The following WASF3 variants were observed in gnomAD, a reference collection of about 807,000 sequenced individuals.
WASF3 encodes the protein WASP family member 3.
A neutral mutation model predicts 46.6 loss-of-function variants in WASF3; 11 were observed. The observed-to-expected ratio is 0.24, with a 90% CI of 0.15 to 0.39. WASF3 has a LOEUF of 0.39. Among genes scored for constraint, WASF3 ranks in the 10% least tolerant of loss-of-function variants. WASF3 has a pLI of 1.00. For missense variants in WASF3, 576 were observed against 669.8 expected, an observed-to-expected ratio of 0.86 and a Z score of 1.55; for synonymous variants, 242 against 259.7, an observed-to-expected ratio of 0.93 and a Z score of 0.65.
chr13:26,640,314 T>C (rs1881957374), intron 2 of WASF3: 1 of 152,184 alleles, frequency 6.6e-6, no homozygotes, highest in Non-Finnish European at 1.5e-5. Flanking sequence ...TAGTATTGTA[T>C]GAAGATGAGG....
At position 26,671,578 on chromosome 13, in the gene WASF3, A is replaced by T. The variant is rs1448972789; in HGVS notation, c.423-294A>T. On this transcript the variant is annotated intron_variant, in intron 5 of 9. Transcript: ENST00000335327. ...TCCTGAAGTGATTGAGATATTATAAATTGCTGAATATGAGTCATGTTGTGA... is the reference window on the plus strand; with the variant it reads ...TCCTGAAGTGATTGAGATATTATAATTTGCTGAATATGAGTCATGTTGTGA... Among the ~76,000 whole-genome samples, 3 of 152,162 alleles carry T rather than the reference A, an allele frequency of 2.0e-5. No homozygotes were observed. The East Asian group carries it at 5.8e-4, about 29-fold the overall frequency.
At chr13:26,574,701 TG>T (rs1193525623) in intron 1 of WASF3, among the ~76,000 whole-genome samples, 1 of 152,192 alleles carries the variant, frequency 6.6e-6, no homozygotes, top group African/African-American at 2.4e-5. Context: ...GTCTGTATTT[TG>T]GTATATTTAC....
At chr13:26,585,628 G>T (rs1170926384) in intron 1 of WASF3, among the ~76,000 whole-genome samples, 7 of 152,154 alleles carry the variant, frequency 4.6e-5, no homozygotes, top group Non-Finnish European at 7.4e-5. Flanking sequence ...CTTTCATATA[G>T]TAGGGGCTCA....
At chr13:26,645,511 A>T (rs1314601227) in intron 3 of WASF3, among the ~76,000 whole-genome samples, 2 of 152,004 alleles carry the variant, frequency 1.3e-5, no homozygotes, top group Non-Finnish European at 2.9e-5. Context: ...TTATTCATTC[A>T]TTCTTCTTTG....
chr13:26,670,833 A>G (rs2137480578), intron 5 of WASF3, among the ~76,000 whole-genome samples: 1 of 152,234 alleles, frequency 6.6e-6, no homozygotes, highest in East Asian at 1.9e-4. Flanking sequence ...TTTCAGACAT[A>G]GCGACTAGAA....
Position 26,616,541 on chromosome 13 carries a change from A to T in WASF3, c.-11+3483A>T, listed in dbSNP as rs73168009. ...ATGATTTGTAGTTTTATTCATTTTA[A>T]TAGCATTTTTTTTCCTTTTTACCCC... On this transcript the variant is annotated intron_variant, in intron 2 of 9. Coordinates refer to ENST00000335327, the MANE Select transcript of WASF3 (RefSeq NM_006646.6). Among the ~76,000 whole-genome samples the T allele has an allele frequency of 8.9e-3, 1,357 of 152,218 alleles. 10 individuals are homozygous for T. Among genetic ancestry groups the T allele is most frequent in the Middle Eastern group, 0.017 (5 of 294 alleles).
At position 26,576,434 on chromosome 13, in the gene WASF3, G is replaced by A. The variant is rs879825203; in HGVS notation, c.-109+18615G>A. On this transcript the variant is annotated intron_variant, in intron 1 of 9. Transcript: ENST00000335327. ...GTTGCATCATACAGTAGTGGTTTACGTGGGGAATTTCAGAAGTACTGAGGC... is the reference window on the plus strand; with the variant it reads ...GTTGCATCATACAGTAGTGGTTTACATGGGGAATTTCAGAAGTACTGAGGC... Among the ~76,000 whole-genome samples, 9 of 152,048 alleles carry A rather than the reference G, an allele frequency of 5.9e-5. No individual in the cohort carries two copies. The South Asian group carries it at 6.2e-4, about 11-fold the overall frequency.
rs115897607 is a variant in WASF3, at chr13:26,567,417, G to C, written c.-109+9598G>C. Among the ~76,000 whole-genome samples the C allele has an allele frequency of 9.5e-3, 1,442 of 152,300 alleles. 26 individuals carry two copies. Among genetic ancestry groups the C allele is most frequent in the African/African-American group, 0.032 (1,349 of 41,566 alleles). On this transcript the variant is annotated intron_variant, in intron 1 of 9. Transcript: ENST00000335327. ...CTAGATCAGGGGTTGGTAAACTACA[G>C]CCTGTGGGCCACATCTGGCTCTTTG...
intron 2 of WASF3, chr13:26,639,737 G>GAA (rs1881937352): frequency 6.6e-6 from 1 of 152,340 alleles, no homozygotes. Flanking sequence ...AATTGCCATA[G>GAA]AAAAGATAGC....
intron 3 of WASF3, among the ~76,000 whole-genome samples, chr13:26,658,427 C>T (rs9512310): frequency 0.17 from 26,066 of 152,060 alleles, 2,571 homozygotes; most frequent in South Asian, 0.26. Context: ...AACAGTAGTT[C>T]TGAAAGATGT....
chr13:26,589,527 G>A (rs562729286), intron 1 of WASF3, among the ~76,000 whole-genome samples: 12 of 152,196 alleles, frequency 7.9e-5, no homozygotes, highest in East Asian at 7.7e-4. Context: ...ATGTGGCATC[G>A]TCAATAGATG....
intron 2 of WASF3, among the ~76,000 whole-genome samples, chr13:26,622,285 G>T (rs1169854337): frequency 2.0e-5 from 3 of 152,146 alleles, no homozygotes; most frequent in Non-Finnish European, 4.4e-5. Context: ...CTGCATAGTG[G>T]AGAAAGAAAT....
intron 2 of WASF3, among the ~76,000 whole-genome samples, chr13:26,613,285 TC>T (rs1214516351): frequency 6.6e-6 from 1 of 151,940 alleles, no homozygotes; most frequent in Non-Finnish European, 1.5e-5. Context: ...CTTGATATAT[TC>T]ACTTCCATGT....
In WASF3 at chr13:26,587,674, G is replaced by C. The variant is rs549810026; in HGVS notation, c.-108-25287G>C. ...TAGATTGAGAGCTGCTGGACAGAATGATGGGTTCATGGGAGAAGACAATCA... is the reference window on the plus strand; with the variant it reads ...TAGATTGAGAGCTGCTGGACAGAATCATGGGTTCATGGGAGAAGACAATCA... On this transcript the variant is annotated intron_variant, in intron 1 of 9. Coordinates refer to ENST00000335327, the MANE Select transcript of WASF3 (RefSeq NM_006646.6). 2.0e-4 allele frequency among the ~76,000 whole-genome samples: 30 copies of C among 152,290 alleles called. No individual in the cohort carries two copies. The East Asian group carries it at 5.2e-3, about 26-fold the overall frequency.
Position 26,676,776 on chromosome 13 carries a change from T to TA in WASF3, c.716+53dup, listed in dbSNP as rs1370746727. On this transcript the variant is annotated intron_variant, in intron 7 of 9. Coordinates refer to ENST00000335327, the MANE Select transcript of WASF3 (RefSeq NM_006646.6). Reference sequence around the variant, plus strand: ...CCCTGATGCTTGGGCAACTGGGTACTACCTGGTTTTATTATCATTTGAAAT... The same window carrying TA: ...CCCTGATGCTTGGGCAACTGGGTACTAACCTGGTTTTATTATCATTTGAAAT... 3.3e-6 allele frequency: 5 copies of TA among 1,521,248 alleles called. No homozygotes were observed. In the African/African-American group the frequency reaches 7.0e-5, roughly 21 times the overall value. The allele number at this position is 1,521,248 out of a possible 1,614,324, so 94.2% of individuals were successfully genotyped here. A position where few individuals can be genotyped will look rare whatever the true frequency, so the allele number is the denominator to read the frequency against.
the WASF3 span, among the ~76,000 whole-genome samples, chr13:26,550,884 G>T: frequency 6.6e-6 from 1 of 152,162 alleles, no homozygotes; most frequent in Non-Finnish European, 1.5e-5. Context: ...TGACACAATT[G>T]TCACTGGGGA....
At chr13:26,541,202 G>T in the WASF3 span, among the ~76,000 whole-genome samples, 1,416 of 152,274 alleles carry the variant, frequency 9.3e-3, 12 homozygotes, top group Middle Eastern at 0.017. Context: ...CCAACTGAGG[G>T]CACTGGCCCG....
chr13:26,643,258 A>C (rs1882053582), intron 3 of WASF3, among the ~76,000 whole-genome samples: 1 of 152,114 alleles, frequency 6.6e-6, no homozygotes, highest in Non-Finnish European at 1.5e-5. Context: ...AGGTTTTCAC[A>C]GTTAAATTTT....
At chr13:26,669,652 T>C (rs1882874127) in intron 5 of WASF3, among the ~76,000 whole-genome samples, 1 of 152,160 alleles carries the variant, frequency 6.6e-6, no homozygotes, top group Non-Finnish European at 1.5e-5. Flanking sequence ...TAGTTGGGAT[T>C]ACAGGCATGT....
Sources: gnomAD v4.1 joint callset for allele counts (sites outside exome capture counted in the v4.1 genomes callset) on GRCh38, gnomAD v4.1.1 for gene constraint, MANE v1.5 for transcripts, NCBI Gene and HGNC (gene_info 2026-07-23, HGNC 2026-07-21) for gene names.